Variants in TAF1 observed in about 807,000 individuals in gnomAD.
TAF1 encodes the protein TATA-box binding protein associated factor 1, also known as transcription initiation factor TFIID subunit 1.
TAF1 carries 2 observed loss-of-function variants against 138.5 expected under a neutral mutation model. The observed-to-expected ratio is 0.01, with a 90% CI of 0.01 to 0.05. The LOEUF is 0.05. Among genes scored for constraint, TAF1 ranks in the 10% least tolerant of loss-of-function variants. The probability of loss-of-function intolerance (pLI) is 1.00; values close to 1 mark genes in which losing one functional copy is unlikely to be tolerated. For synonymous variants in TAF1, 437 were observed against 503.2 expected (o/e 0.87, Z 1.76); for missense variants, 709 against 1,478.0 (o/e 0.48, Z 8.53).
At chrX:71,503,308 A>ATATATATGTG (rs1569408337) in intron 13 of TAF1, among the ~76,000 whole-genome samples, 10 of 95,766 alleles carry the variant, frequency 1.0e-4, no homozygotes, top group African/African-American at 4.2e-4. Flanking sequence ...GTATATATAT[A>ATATATATGTG]TATATATATA....
At chrX:71,444,142 G>A (rs1274294300) in intron 32 of TAF1, among the ~76,000 whole-genome samples, 1 of 109,230 alleles carries the variant, frequency 9.2e-6, no homozygotes, top group Non-Finnish European at 1.9e-5. Flanking sequence ...CAAGTAGCCG[G>A]GATTACAGGT....
intron 32 of TAF1, among the ~76,000 whole-genome samples, chrX:71,429,482 G>T (rs1034669627): frequency 1.8e-5 from 2 of 111,045 alleles, no homozygotes; most frequent in Non-Finnish European, 3.8e-5. Flanking sequence ...GAAGTGTGCT[G>T]GTAGTTAAAT....
chrX:71,374,956 A>G (rs1228400962), intron 3 of TAF1, among the ~76,000 whole-genome samples: 1 of 108,462 alleles, frequency 9.2e-6, no homozygotes, highest in African/African-American at 3.4e-5. Flanking sequence ...GTGGTGGCAC[A>G]TTCCTGTAAT....
At chrX:71,520,131 A>T (rs201962136) in intron 13 of TAF1, among the ~76,000 whole-genome samples, 1 of 26,653 alleles carries the variant, frequency 3.8e-5, no homozygotes, top group Non-Finnish European at 5.0e-5. Flanking sequence ...ATTTTATTTT[A>T]TTTATTTATT....
chrX:71,388,429 T>C (rs2034369304), intron 16 of TAF1, 51 bp downstream of exon 16: 2 of 1,175,666 alleles, frequency 1.7e-6, no homozygotes, highest in Non-Finnish European at 2.3e-6. Flanking sequence ...GAAAAGAATT[T>C]TGATGGCTTT....
chrX:71,486,328 G>A (rs1479766676), intron 13 of TAF1, among the ~76,000 whole-genome samples: 1 of 110,593 alleles, frequency 9.0e-6, no homozygotes, highest in Non-Finnish European at 1.9e-5. Context: ...GGGATTATAG[G>A]CATGAGCCAC....
chrX:71,493,715 G>T (rs1190205889), intron 13 of TAF1, among the ~76,000 whole-genome samples: 1 of 112,206 alleles, frequency 8.9e-6, no homozygotes, highest in Non-Finnish European at 1.9e-5. Context: ...GGGAGCAGTG[G>T]CTCATGCCTG....
chrX:71,375,092 T>C lies in TAF1; in HGVS notation c.353-75T>C. On this transcript the variant is annotated intron_variant, in intron 3 of 37. Transcript: ENST00000423759. Reference sequence around the variant, plus strand: ...CTCTGTCTCAAAAAAAAAAAAAAAATTGAGTGGCAAGGAAGCTTAAGGCGG... The same window carrying C: ...CTCTGTCTCAAAAAAAAAAAAAAAACTGAGTGGCAAGGAAGCTTAAGGCGG... 4 of 1,022,754 alleles carry C rather than the reference T, an allele frequency of 3.9e-6. No homozygotes were observed. In the South Asian group the frequency reaches 7.6e-5, roughly 19 times the overall value. The allele number at this position is 1,022,754 out of a possible 1,213,427, so 84.3% of individuals were successfully genotyped here. A position where few individuals can be genotyped will look rare whatever the true frequency, so the allele number is the denominator to read the frequency against.
intron 32 of TAF1, among the ~76,000 whole-genome samples, 159 bp downstream of exon 32, chrX:71,424,397 C>T (rs958636029): frequency 2.9e-5 from 3 of 103,100 alleles, no homozygotes; most frequent in Non-Finnish European, 5.9e-5. Flanking sequence ...ACCAGGCACA[C>T]GCCACCGTGC....
chrX:71,392,290 C>G (rs1015062245), intron 18 of TAF1, among the ~76,000 whole-genome samples: 1 of 111,314 alleles, frequency 9.0e-6, no homozygotes, highest in Non-Finnish European at 1.9e-5. Context: ...AGGGATACCA[C>G]TGTTCTTTAT....
chrX:71,514,678 T>C (rs959751228), intron 13 of TAF1, among the ~76,000 whole-genome samples: 1 of 111,311 alleles, frequency 9.0e-6, no homozygotes, highest in African/African-American at 3.3e-5. Context: ...AAGTTGCTGA[T>C]TGTGTCATCT....
intron 24 of TAF1, among the ~76,000 whole-genome samples, chrX:71,399,632 CGCAATCTCAGCTCATT>C (rs1323373571): frequency 1.0e-5 from 1 of 97,908 alleles, no homozygotes; most frequent in Non-Finnish European, 2.0e-5. Flanking sequence ...AGTGCAATGG[CGCAATCTCAGCTCATT>C]GCAACCTCCA....
At chrX:71,390,847 G>A (rs2034518125) in intron 18 of TAF1, among the ~76,000 whole-genome samples, 1 of 110,762 alleles carries the variant, frequency 9.0e-6, no homozygotes, top group Non-Finnish European at 1.9e-5. Context: ...AATACAAAAT[G>A]AGCCGGGCGT....
At chrX:71,487,448 C>T (rs1007163977) in intron 13 of TAF1, among the ~76,000 whole-genome samples, 7 of 106,760 alleles carry the variant, frequency 6.6e-5, no homozygotes, top group African/African-American at 2.1e-4. Context: ...CTTGGCCTCC[C>T]GAGTAGCTGG....
At chrX:71,384,782 C>G (rs762162548) in intron 13 of TAF1, among the ~76,000 whole-genome samples, 163 bp from the exon 14 acceptor site, 2 of 111,806 alleles carry the variant, frequency 1.8e-5, no homozygotes, top group South Asian at 7.4e-4. Context: ...ATTTGGGATG[C>G]CCAACTGGTA....
rs1165720331 is a variant in TAF1, at chrX:71,454,176, A to C, written c.4760A>C (p.Glu1587Ala). ...LANSVKYNGPESQYTKTAQEI... is the reference protein window; with the variant it reads ...LANSVKYNGPASQYTKTAQEI... The stretch of plus-strand genomic sequence containing the variant: ...TTTCTTATTTTATTTATAGGACCTG[A>C]GAGTCAGTATACTAAGACTGCCCAG... Residue 1587 changes from glutamate (E) to alanine (A), a missense_variant, in exon 33 of 38, where the codon GAG (glutamate) becomes GCG (alanine). Glu to Ala is a moderately radical substitution (Grantham distance 107, BLOSUM62 -1). Transcript: ENST00000423759. 1 of 1,205,801 alleles carries C rather than the reference A, an allele frequency of 8.3e-7. No individual in the cohort carries two copies. The highest frequency in any genetic ancestry group is 1.1e-6 in the Non-Finnish European group (1 of 891,872).
intron 13 of TAF1, among the ~76,000 whole-genome samples, chrX:71,515,021 A>T (rs1428552827): frequency 8.9e-6 from 1 of 111,859 alleles, no homozygotes; most frequent in African/African-American, 3.2e-5. Context: ...AAACCAAATG[A>T]TGCAGAGCCA....
rs2034992105 is a variant in TAF1 at position 71,398,671 on chromosome X, A to G, written c.3720A>G (p.Glu1240=). 3 of 1,210,008 alleles carry G rather than the reference A, an allele frequency of 2.5e-6. No homozygotes were observed. The highest frequency in any genetic ancestry group is 3.4e-6 in the Non-Finnish European group (3 of 895,334). Reference sequence around the variant, plus strand: ...TGAGGCGGCTTAAGAGGAACCAGGAAAAGGAGAAGCTTAAGGGTCCTCCTG... The same window carrying G: ...TGAGGCGGCTTAAGAGGAACCAGGAGAAGGAGAAGCTTAAGGGTCCTCCTG... The part of the protein sequence containing the change: ...EQLRRLKRNQ[E]KEKLKGPPEK... Residue 1240 remains glutamate (E), a synonymous_variant, in exon 24 of 38, where the codon GAA becomes GAG. Transcript: ENST00000423759.
intron 13 of TAF1, 21 bp downstream of exon 13, chrX:71,384,156 T>C: frequency 8.3e-7 from 1 of 1,201,724 alleles, no homozygotes; most frequent in Non-Finnish European, 1.1e-6. Flanking sequence ...GCTCAGAAAA[T>C]TTTTTTCCCA....
Sources: allele counts gnomAD v4.1 joint callset (sites outside exome capture counted in the v4.1 genomes callset), GRCh38; gene constraint gnomAD v4.1.1; transcripts MANE v1.5; gene names NCBI Gene and HGNC (gene_info 2026-07-23, HGNC 2026-07-21).